Variants in TRIO observed in about 807,000 individuals in gnomAD.
TRIO encodes trio Rho guanine nucleotide exchange factor, also known as triple functional domain protein.
Under a neutral mutation model 351.9 loss-of-function variants are expected in TRIO, and 58 were observed. The ratio of observed to expected loss-of-function variants is 0.16; its 90% CI spans 0.13 to 0.21. The LOEUF is 0.21. TRIO is among the 10% of genes least tolerant of loss of function. The probability of loss-of-function intolerance (pLI) is 1.00; values close to 1 mark genes in which losing one functional copy is unlikely to be tolerated. For missense variants in TRIO, 3,201 were observed against 4,027.8 expected (o/e 0.79, Z 5.56); for synonymous variants, 1,758 against 1,595.7 (o/e 1.10, Z -2.42).
intron 9 of TRIO, among the ~76,000 whole-genome samples, chr5:14,327,053 G>A (rs1740451673): frequency 6.6e-6 from 1 of 152,202 alleles, no homozygotes; most frequent in Non-Finnish European, 1.5e-5. Context: ...AGGAATCACT[G>A]TTAAAAGAAA....
intron 11 of TRIO, among the ~76,000 whole-genome samples, chr5:14,353,542 C>A (rs573335910): frequency 6.6e-6 from 1 of 152,152 alleles, no homozygotes; most frequent in Admixed American, 6.5e-5. Context: ...GAAATACAGG[C>A]GTGAACCACC....
At chr5:14,280,465 C>G (rs1359753633) in intron 3 of TRIO, 29 bp downstream of exon 3, 1 of 1,579,582 alleles carries the variant, frequency 6.3e-7, no homozygotes, top group African/African-American at 1.3e-5. Flanking sequence ...GTGCTTGTCA[C>G]TGATGTCACA....
At chr5:14,360,529 C>G (rs1329175687) in intron 13 of TRIO, among the ~76,000 whole-genome samples, 1 of 152,150 alleles carries the variant, frequency 6.6e-6, no homozygotes, top group Admixed American at 6.5e-5. Flanking sequence ...TAGAGCACAC[C>G]CTCTCAATAT....
chr5:14,284,585 T>C (rs1197594847), intron 3 of TRIO, among the ~76,000 whole-genome samples: 1 of 152,210 alleles, frequency 6.6e-6, no homozygotes, highest in Non-Finnish European at 1.5e-5. Context: ...GGTTTTGTTG[T>C]TCTCCCGCTT....
chr5:14,214,783 G>A (rs1446393729), intron 1 of TRIO, among the ~76,000 whole-genome samples: 3 of 152,164 alleles, frequency 2.0e-5, no homozygotes, highest in African/African-American at 4.8e-5. Flanking sequence ...GTCAGTGTAC[G>A]TGTGTAGACA....
intron 1 of TRIO, among the ~76,000 whole-genome samples, chr5:14,264,584 AAGTG>A (rs1055714233): frequency 1.5e-4 from 23 of 152,148 alleles, no homozygotes; most frequent in East Asian, 1.9e-4. Context: ...ATATTAGAAA[AAGTG>A]AGGGTTATAA....
chr5:14,482,487 TC>T, intron 45 of TRIO, 94 bp from the exon 46 acceptor site: 1 of 983,430 alleles, frequency 1.0e-6, no homozygotes, highest in Non-Finnish European at 1.4e-6. Flanking sequence ...AATACATTAT[TC>T]CATAGGAGGA....
At chr5:14,171,284 TATC>T (rs780622813) in intron 1 of TRIO, among the ~76,000 whole-genome samples, 7 of 152,208 alleles carry the variant, frequency 4.6e-5, no homozygotes, top group South Asian at 2.1e-4. Context: ...TTGCCAAAAA[TATC>T]ATGCCATTAT....
chr5:14,469,096 A>C (rs909872505), intron 37 of TRIO, among the ~76,000 whole-genome samples: 3 of 152,244 alleles, frequency 2.0e-5, no homozygotes, highest in African/African-American at 7.2e-5. Context: ...AGGGAGAAAC[A>C]AGAAAGAATG....
At chr5:14,166,051 T>C (rs1317331393) in intron 1 of TRIO, among the ~76,000 whole-genome samples, 1 of 152,240 alleles carries the variant, frequency 6.6e-6, no homozygotes, top group South Asian at 2.1e-4. Flanking sequence ...AGAGTGACGG[T>C]GTCACTCATG....
Position 14,507,277 on chromosome 5 carries a change from G to A in TRIO, c.8751+17G>A. ...GACCTAAAGGTTGGTGAGGCCCCGG[G>A]CAGGTGAAGGGGGGTCTGAGCACAC... On this transcript the variant is annotated intron_variant, in intron 56 of 56. Coordinates refer to ENST00000344204, the MANE Select transcript of TRIO (RefSeq NM_007118.4). 1 of 1,610,704 alleles carries A rather than the reference G, an allele frequency of 6.2e-7. No homozygotes were observed. Among genetic ancestry groups the A allele is most frequent in the Non-Finnish European group, 8.5e-7 (1 of 1,179,792 alleles).
At position 14,508,548 on chromosome 5, in the gene TRIO, C is replaced by T. The variant is rs1757878343; in HGVS notation, c.*126C>T. On this transcript the variant is annotated 3_prime_UTR_variant, in exon 57 of 57. Coordinates refer to ENST00000344204, the MANE Select transcript of TRIO (RefSeq NM_007118.4). ...ATGTTCATCGTGTGAAATTGCATTC[C>T]AAGTGAGCTGTGCTCAGCAGTGCTT... is the stretch of plus-strand genomic sequence containing the variant. 1 of 1,249,116 alleles carries T rather than the reference C, an allele frequency of 8.0e-7. No homozygotes were observed. Among genetic ancestry groups the T allele is most frequent in the Admixed American group, 2.6e-5 (1 of 38,922 alleles). The allele number at this position is 1,249,116 out of a possible 1,614,324, so 77.4% of individuals were successfully genotyped here.
rs1170902755 is a variant in TRIO at position 14,504,375 on chromosome 5, C to T, written c.8412-18C>T. 1.2e-6 allele frequency: 2 copies of T among 1,613,630 alleles called. No individual in the cohort carries two copies. Among genetic ancestry groups the T allele is most frequent in the Non-Finnish European group, 1.7e-6 (2 of 1,179,926 alleles). ...CCTCAGCAGCCTCTGCAAATGGTCC[C>T]CCTGACATATTTTACAGGGGCAGAT... On this transcript the variant is annotated intron_variant, in intron 54 of 56. Coordinates refer to ENST00000344204, the MANE Select transcript of TRIO (RefSeq NM_007118.4).
At chr5:14,303,169 G>A (rs13436795) in intron 7 of TRIO, among the ~76,000 whole-genome samples, 7 of 131,692 alleles carry the variant, frequency 5.3e-5, no homozygotes, top group African/African-American at 1.9e-4. Context: ...GCCAGGGTTG[G>A]GATGGCTGCC....
At chr5:14,274,116 T>TC in intron 2 of TRIO, among the ~76,000 whole-genome samples, 1 of 152,258 alleles carries the variant, frequency 6.6e-6, no homozygotes, top group East Asian at 1.9e-4. Context: ...TTATTTCATA[T>TC]CCCCCCAAAA....
intron 1 of TRIO, among the ~76,000 whole-genome samples, chr5:14,257,088 T>C (rs918540832): frequency 6.6e-6 from 1 of 152,200 alleles, no homozygotes; most frequent in Admixed American, 6.5e-5. Context: ...GATGTTTGCC[T>C]ATTGAAAAGG....
At chr5:14,347,604 A>C (rs1444952777) in intron 11 of TRIO, among the ~76,000 whole-genome samples, 1 of 152,206 alleles carries the variant, frequency 6.6e-6, no homozygotes, top group East Asian at 1.9e-4. Flanking sequence ...AAAATGGGCA[A>C]ATTTCCAGCG....
At chr5:14,322,413 T>G (rs942371166) in intron 9 of TRIO, among the ~76,000 whole-genome samples, 2 of 152,176 alleles carry the variant, frequency 1.3e-5, no homozygotes, top group Non-Finnish European at 2.9e-5. Context: ...AGATCTCTCA[T>G]GAGGATTTTG....
chr5:14,241,877 A>AT (rs1008654003), intron 1 of TRIO, among the ~76,000 whole-genome samples: 11 of 151,426 alleles, frequency 7.3e-5, no homozygotes, highest in South Asian at 2.1e-4. Flanking sequence ...AGCTTAGAAC[A>AT]TTTTTTTTTG....
Sources: allele counts gnomAD v4.1 joint callset (sites outside exome capture counted in the v4.1 genomes callset), GRCh38; gene constraint gnomAD v4.1.1; transcripts MANE v1.5; gene names NCBI Gene and HGNC (gene_info 2026-07-23, HGNC 2026-07-21).